KDM4C: variants seen among roughly 807,000 people sequenced by gnomAD.
KDM4C encodes lysine demethylase 4C.
KDM4C carries 81 observed loss-of-function variants against 129.3 expected under a neutral mutation model. The observed-to-expected ratio is 0.63, with a 90% CI of 0.52 to 0.75. The LOEUF is 0.75. KDM4C is among the 30% of genes least tolerant of loss of function. KDM4C has a pLI of 0.00. For missense variants in KDM4C, 1,457 were observed against 1,304.0 expected (o/e 1.12, Z -1.81); for synonymous variants, 573 against 456.1 (o/e 1.26, Z -3.26).
chr9:7,096,470 T>C (rs1836450345), intron 17 of KDM4C, among the ~76,000 whole-genome samples: 1 of 152,152 alleles, frequency 6.6e-6, no homozygotes, highest in African/African-American at 2.4e-5. Flanking sequence ...TTCTATCTGT[T>C]TGGGCCATGT....
intron 5 of KDM4C, among the ~76,000 whole-genome samples, chr9:6,857,506 C>T (rs569560723): frequency 6.6e-6 from 1 of 152,152 alleles, no homozygotes; most frequent in African/African-American, 2.4e-5. Flanking sequence ...AAACATTGAT[C>T]TCTGTGGACC....
chr9:7,117,626 TACACACACACACACACAC>T (rs71315578), intron 18 of KDM4C, among the ~76,000 whole-genome samples: 6 of 146,916 alleles, frequency 4.1e-5, no homozygotes, highest in Admixed American at 1.4e-4. Context: ...TGTTAATTTC[TACACACACACACACACAC>T]ACACACACAC....
At chr9:7,078,525 T>C (rs1188064714) in intron 17 of KDM4C, among the ~76,000 whole-genome samples, 1 of 152,140 alleles carries the variant, frequency 6.6e-6, no homozygotes, top group Non-Finnish European at 1.5e-5. Flanking sequence ...CTCTTCAACA[T>C]GGAAGGTTCT....
chr9:7,097,263 C>T (rs10491780), intron 17 of KDM4C, among the ~76,000 whole-genome samples: 53,627 of 152,162 alleles, frequency 0.35, 9,717 homozygotes, highest in Middle Eastern at 0.51. Context: ...GCCAATAAGC[C>T]TCCAGTGCAG....
intron 18 of KDM4C, among the ~76,000 whole-genome samples, chr9:7,125,461 A>G (rs192750549): frequency 1.3e-5 from 2 of 152,356 alleles, no homozygotes; most frequent in East Asian, 1.9e-4. Flanking sequence ...TTGACTCTCC[A>G]ACATCAGATG....
intron 1 of KDM4C, among the ~76,000 whole-genome samples, chr9:6,745,352 A>G (rs1341156850): frequency 6.6e-6 from 1 of 152,106 alleles, no homozygotes; most frequent in Non-Finnish European, 1.5e-5. Flanking sequence ...TAATCCCAGC[A>G]CTTTGGGAGG....
At chr9:7,156,991 A>T (rs1843247710) in intron 19 of KDM4C, among the ~76,000 whole-genome samples, 1 of 152,160 alleles carries the variant, frequency 6.6e-6, no homozygotes, top group Non-Finnish European at 1.5e-5. Context: ...ATGAGCATGG[A>T]ATGTTCTTCC....
chr9:7,122,466 T>G (rs749682936), intron 18 of KDM4C, among the ~76,000 whole-genome samples: 6 of 152,142 alleles, frequency 3.9e-5, no homozygotes, highest in Non-Finnish European at 8.8e-5. Flanking sequence ...TCACCTGTCA[T>G]GGGAGAGCAC....
At chr9:7,165,192 C>T (rs1432377274) in intron 19 of KDM4C, 46 bp from the exon 20 acceptor site, 2 of 1,605,814 alleles carry the variant, frequency 1.2e-6, no homozygotes, top group Admixed American at 1.7e-5. Context: ...TAAATGCAGT[C>T]ACTTAGGCAC....
intron 1 of KDM4C, chr9:6,735,127 A>C (rs1021198708): frequency 3.1e-6 from 1 of 318,418 alleles, no homozygotes; most frequent in African/African-American, 2.2e-5. Context: ...ACAATTAGGC[A>C]AAGAGGCTAC....
At chr9:6,738,333 G>T (rs1357719436) in intron 1 of KDM4C, among the ~76,000 whole-genome samples, 2 of 152,080 alleles carry the variant, frequency 1.3e-5, no homozygotes, top group South Asian at 4.1e-4. Flanking sequence ...AAAATTAGAA[G>T]GGCATGGTGG....
At chr9:7,053,576 T>C (rs1830498596) in intron 17 of KDM4C, among the ~76,000 whole-genome samples, 1 of 152,224 alleles carries the variant, frequency 6.6e-6, no homozygotes, top group Admixed American at 6.5e-5. Flanking sequence ...ACAACAATGA[T>C]GACATTAGAC....
Position 7,106,216 on chromosome 9 carries a change from G to T in KDM4C, c.2610+2346G>T, listed in dbSNP as rs544307952. 6.6e-5 allele frequency among the ~76,000 whole-genome samples: 10 copies of T among 152,226 alleles called. No homozygotes were observed. In the South Asian group the frequency reaches 1.5e-3, roughly 22 times the overall value. ...ACTTTGGTTAAGAACATTGTGATTT[G>T]CCCCTATTGCTTTAAATGTTCTTTC... On this transcript the variant is annotated intron_variant, in intron 18 of 21. Coordinates refer to ENST00000381309, the MANE Select transcript of KDM4C (RefSeq NM_015061.6).
At chr9:6,840,861 G>A (rs575220209) in intron 4 of KDM4C, among the ~76,000 whole-genome samples, 1 of 152,334 alleles carries the variant, frequency 6.6e-6, no homozygotes, top group Admixed American at 6.5e-5. Flanking sequence ...ATGCCATGTT[G>A]TTAGGTAGAA....
intron 18 of KDM4C, among the ~76,000 whole-genome samples, chr9:7,125,586 A>C (rs540555614): frequency 2.8e-4 from 42 of 152,356 alleles, no homozygotes; most frequent in African/African-American, 9.9e-4. Flanking sequence ...CACTCTGTAC[A>C]CTACAAGGTG....
intron 17 of KDM4C, among the ~76,000 whole-genome samples, chr9:7,075,500 G>T (rs1291993753): frequency 2.0e-5 from 3 of 152,120 alleles, no homozygotes; most frequent in African/African-American, 4.8e-5. Flanking sequence ...GAGAGAGTTT[G>T]TTGTAAAAAA....
chr9:6,947,541 A>T (rs1452588521), intron 8 of KDM4C, among the ~76,000 whole-genome samples: 1 of 151,906 alleles, frequency 6.6e-6, no homozygotes, highest in Non-Finnish European at 1.5e-5. Context: ...TGTTATAGTC[A>T]TGGTCATTTA....
At position 6,788,781 on chromosome 9, in the gene KDM4C, C is replaced by T. The variant is rs745447518; in HGVS notation, c.-17-4191C>T. On this transcript the variant is annotated intron_variant, in intron 1 of 21. Coordinates refer to ENST00000381309, the MANE Select transcript of KDM4C (RefSeq NM_015061.6). ...TGGGACAGGCAACTGCTATAATGAA[C>T]GCAGAGGGGGAGTTGGGAACACGGT... Among the ~76,000 whole-genome samples the T allele has an allele frequency of 3.5e-4, 53 of 152,204 alleles. 1 individual carries two copies. Among genetic ancestry groups the T allele is most frequent in the African/African-American group, 1.2e-3 (50 of 41,528 alleles).
intron 4 of KDM4C, chr9:6,835,354 G>T: frequency 9.5e-7 from 1 of 1,048,228 alleles, no homozygotes; most frequent in Non-Finnish European, 1.5e-6. Flanking sequence ...GCTGTCTGGC[G>T]GCACCACCAT....
Sources: gnomAD v4.1 joint callset for allele counts (sites outside exome capture counted in the v4.1 genomes callset) on GRCh38, gnomAD v4.1.1 for gene constraint, MANE v1.5 for transcripts, NCBI Gene and HGNC (gene_info 2026-07-23, HGNC 2026-07-21) for gene names.